Variants in PON2 observed in about 807,000 individuals in gnomAD.
The protein encoded by PON2 is serum paraoxonase/arylesterase 2.
A neutral mutation model predicts 36.6 loss-of-function variants in PON2; 27 were observed. That is an observed-to-expected ratio of 0.74 (90% CI 0.54 to 1.02). The LOEUF (loss-of-function observed/expected upper bound fraction) is 1.02, where lower values mean the gene tolerates loss of function less well. Among genes scored for constraint, PON2 ranks in the 50% least tolerant of loss-of-function variants. The pLI is 0.00. For missense variants in PON2, 363 were observed against 421.1 expected, an observed-to-expected ratio of 0.86 and a Z score of 1.21; for synonymous variants, 149 against 156.3, an observed-to-expected ratio of 0.95 and a Z score of 0.35.
In PON2 at chr7:95,406,130, G is replaced by A. The variant is rs770816371; in HGVS notation, c.895C>T (p.Pro299Ser). The part of the protein sequence containing the change: ...KLFVYDPNNP[P>S]SSEVLRIQNI... ...GAAAATATAAAAACCTCTGACGAGGGAGGATTGTTCGGGTCATACACGAAG... is the reference window on the plus strand; with the variant it reads ...GAAAATATAAAAACCTCTGACGAGGAAGGATTGTTCGGGTCATACACGAAG... Residue 299 changes from proline (P) to serine (S), a missense_variant, in exon 8 of 9, where the codon CCC (proline) becomes TCC (serine). Coordinates refer to ENST00000222572, the MANE Select transcript of PON2 (RefSeq NM_000305.3). The A allele has an allele frequency of 3.7e-6, 6 of 1,613,766 alleles. No homozygotes were observed. The highest frequency in any genetic ancestry group is 5.1e-6 in the Non-Finnish European group (6 of 1,179,726).
At chr7:95,422,133 T>C (rs754694456) in intron 2 of PON2, among the ~76,000 whole-genome samples, 2 of 152,186 alleles carry the variant, frequency 1.3e-5, no homozygotes, top group African/African-American at 2.4e-5. Context: ...CAAATGTACA[T>C]TAAAAGGGGA....
chr7:95,430,335 CAG>C (rs1191855966), intron 1 of PON2, among the ~76,000 whole-genome samples: 24 of 150,234 alleles, frequency 1.6e-4, no homozygotes, highest in Non-Finnish European at 3.1e-4. Flanking sequence ...TTTTTTGAGA[CAG>C]AGTCTCGCTC....
intron 1 of PON2, chr7:95,434,395 C>A (rs1326031635): frequency 6.3e-6 from 1 of 158,668 alleles, no homozygotes; most frequent in Non-Finnish European, 1.4e-5. Flanking sequence ...TGATCTACAG[C>A]TGAAGAGTTT....
chr7:95,412,146 T>A (rs1788942049), intron 4 of PON2, among the ~76,000 whole-genome samples, 166 bp downstream of exon 4: 1 of 152,242 alleles, frequency 6.6e-6, no homozygotes, highest in African/African-American at 2.4e-5. Flanking sequence ...CATAACTTAC[T>A]GCCAGCTGAA....
At chr7:95,416,049 C>T in intron 3 of PON2, 193 bp downstream of exon 3, 3 of 964,126 alleles carry the variant, frequency 3.1e-6, no homozygotes, top group Non-Finnish European at 4.5e-6. Context: ...AGAACACTAT[C>T]TCAATGGGCA....
At chr7:95,430,713 T>C (rs1342762474) in intron 1 of PON2, among the ~76,000 whole-genome samples, 4 of 151,782 alleles carry the variant, frequency 2.6e-5, no homozygotes, top group African/African-American at 7.3e-5. Context: ...TGAGCTATGA[T>C]TGTGCTGCTG....
Position 95,424,547 on chromosome 7 carries a change from T to C in PON2, c.113A>G (p.Asp38Gly). The change falls in exon 2 of 9, where the codon GAC (aspartate) becomes GGC (glycine). Residue 38 changes from aspartate to glycine, a missense_variant. Transcript: ENST00000222572. ...TTTAATCAGGTGGCAGTGTGGAAGGTCTACAGATTCTACTTCTCTGGAGGC... is the reference window on the plus strand; with the variant it reads ...TTTAATCAGGTGGCAGTGTGGAAGGCCTACAGATTCTACTTCTCTGGAGGC... ...LKASREVESV[D>G]LPHCHLIKGI... 6.2e-7 allele frequency: 1 copy of C among 1,613,472 alleles called. No individual in the cohort carries two copies. The highest frequency in any genetic ancestry group is 8.5e-7 in the Non-Finnish European group (1 of 1,179,686).
intron 1 of PON2, among the ~76,000 whole-genome samples, chr7:95,429,961 C>A (rs1308650448): frequency 6.6e-6 from 1 of 152,096 alleles, no homozygotes; most frequent in Admixed American, 6.5e-5. Context: ...AATCAGGAGA[C>A]CTGGCTGAGG....
intron 2 of PON2, chr7:95,424,307 C>G (rs1789263430): frequency 1.7e-6 from 1 of 580,630 alleles, no homozygotes; most frequent in Non-Finnish European, 3.1e-6. Context: ...GAATTACACA[C>G]AAAAAAGAAT....
intron 1 of PON2, among the ~76,000 whole-genome samples, chr7:95,431,959 A>G: frequency 6.6e-6 from 1 of 151,480 alleles, no homozygotes; most frequent in Non-Finnish European, 1.5e-5. Flanking sequence ...TTAACTGGGT[A>G]GCCTACATTT....
In PON2 at chr7:95,412,602, T is replaced by A; in HGVS notation, c.202-125A>T. 5 of 927,708 alleles carry A rather than the reference T, an allele frequency of 5.4e-6. No individual in the cohort carries two copies. The Admixed American group carries it at 7.2e-5, about 13-fold the overall frequency. 57.5% of individuals were successfully genotyped at this position (927,708 alleles called of 1,614,324 possible). On this transcript the variant is annotated intron_variant, in intron 3 of 8. Coordinates refer to ENST00000222572, the MANE Select transcript of PON2 (RefSeq NM_000305.3). Reference sequence around the variant, plus strand: ...AGTAGTGGCATAAAGCCACAAAAACTCAAAAAACAGAGAAAAGATAACAGA... The same window carrying A: ...AGTAGTGGCATAAAGCCACAAAAACACAAAAAACAGAGAAAAGATAACAGA...
chr7:95,411,043 A>T (rs1196954690), intron 5 of PON2, among the ~76,000 whole-genome samples: 1 of 152,184 alleles, frequency 6.6e-6, no homozygotes, highest in Non-Finnish European at 1.5e-5. Context: ...TTTAAACTAA[A>T]AGAAGCAGTA....
rs1809637116 is a variant in PON2 at position 95,404,942 on chromosome 7, T to A, written c.*388A>T. 3 of 189,902 alleles carry A rather than the reference T, an allele frequency of 1.6e-5. No individual in the cohort carries two copies. Among genetic ancestry groups the A allele is most frequent in the Admixed American group, 5.4e-5 (1 of 18,676 alleles). 11.8% of individuals were successfully genotyped at this position (189,902 alleles called of 1,614,324 possible). On this transcript the variant is annotated 3_prime_UTR_variant, in exon 9 of 9. Coordinates refer to ENST00000222572, the MANE Select transcript of PON2 (RefSeq NM_000305.3). ...GTAAGTACAAAACATCAAAATACGT[T>A]ATCAGTAGTTCTAAACAGCCATAGT... is the stretch of plus-strand genomic sequence containing the variant.
At chr7:95,419,927 T>G (rs1235943431) in intron 2 of PON2, among the ~76,000 whole-genome samples, 1 of 152,226 alleles carries the variant, frequency 6.6e-6, no homozygotes, top group East Asian at 1.9e-4. Flanking sequence ...TATAATTTTA[T>G]AACAGCAACG....
intron 8 of PON2, 47 bp from the exon 9 acceptor site, chr7:95,405,535 T>C (rs528127721): frequency 6.4e-7 from 1 of 1,551,340 alleles, no homozygotes; most frequent in Non-Finnish European, 8.9e-7. Context: ...CGTACATGCA[T>C]GTCACTCAAT....
chr7:95,422,838 A>G (rs1789226154), intron 2 of PON2, among the ~76,000 whole-genome samples: 1 of 152,194 alleles, frequency 6.6e-6, no homozygotes, highest in African/African-American at 2.4e-5. Flanking sequence ...TCAGAGTAAG[A>G]TTATAAATAA....
At chr7:95,416,079 T>C (rs749664116) in intron 3 of PON2, 163 bp downstream of exon 3, 1 of 1,332,998 alleles carries the variant, frequency 7.5e-7, no homozygotes, top group Non-Finnish European at 1.0e-6. Context: ...CATCTCTACA[T>C]TTAGAAAAGC....
At chr7:95,405,805 T>C (rs1809669234) in intron 8 of PON2, among the ~76,000 whole-genome samples, 1 of 152,192 alleles carries the variant, frequency 6.6e-6, no homozygotes, top group African/African-American at 2.4e-5. Context: ...TCACATCATG[T>C]GGTGAGCTGA....
chr7:95,424,001 C>A (rs17876092), intron 2 of PON2, among the ~76,000 whole-genome samples: 37,542 of 152,074 alleles, frequency 0.25, 5,026 homozygotes, highest in South Asian at 0.34. Flanking sequence ...TGACCTCTCA[C>A]TGGGTCCCTC....
Sources: allele counts gnomAD v4.1 joint callset (sites outside exome capture counted in the v4.1 genomes callset), GRCh38; gene constraint gnomAD v4.1.1; transcripts MANE v1.5; gene names NCBI Gene and HGNC (gene_info 2026-07-23, HGNC 2026-07-21).